CPEB2: variants seen among roughly 807,000 people sequenced by gnomAD.
CPEB2 encodes cytoplasmic polyadenylation element binding protein 2.
In CPEB2, 56 loss-of-function variants were observed where a neutral mutation model predicts 93.6. The ratio of observed to expected loss-of-function variants is 0.60; its 90% CI spans 0.48 to 0.75. The LOEUF (loss-of-function observed/expected upper bound fraction) is 0.75. CPEB2 is among the 30% of genes least tolerant of loss of function. The probability of loss-of-function intolerance (pLI) is 0.00; values close to 1 mark genes in which losing one functional copy is unlikely to be tolerated. For synonymous variants in CPEB2, 764 were observed against 586.3 expected (o/e 1.30, Z -4.38); for missense variants, 1,579 against 1,395.1 (o/e 1.13, Z -2.10).
Position 15,006,924 on chromosome 4 carries a change from C to T in CPEB2, c.1663-381C>T, listed in dbSNP as rs567537440. ...ACCATATTTTTAGTTGTGTGCCTAGCATAATTAATATGGTTGCTTTAAGAT... is the reference window on the plus strand; with the variant it reads ...ACCATATTTTTAGTTGTGTGCCTAGTATAATTAATATGGTTGCTTTAAGAT... On this transcript the variant is annotated intron_variant, in intron 1 of 11. Transcript: ENST00000538197. Among the ~76,000 whole-genome samples, 5 of 152,232 alleles carry T rather than the reference C, an allele frequency of 3.3e-5. No individual in the cohort carries two copies. In the East Asian group the frequency reaches 9.6e-4, roughly 29 times the overall value.
chr4:15,014,116 G>A (rs1723823576), intron 3 of CPEB2, among the ~76,000 whole-genome samples: 1 of 151,974 alleles, frequency 6.6e-6, no homozygotes. Context: ...CACACCTCTT[G>A]CAATGAAGGT....
intron 3 of CPEB2, among the ~76,000 whole-genome samples, chr4:15,010,732 TAAC>T (rs1228150997): frequency 6.6e-6 from 1 of 152,226 alleles, no homozygotes; most frequent in Non-Finnish European, 1.5e-5. Flanking sequence ...ATATTTTTGT[TAAC>T]AAGTACATTA....
At chr4:15,013,143 G>A (rs1723701852) in intron 3 of CPEB2, among the ~76,000 whole-genome samples, 1 of 143,670 alleles carries the variant, frequency 7.0e-6, no homozygotes, top group South Asian at 2.8e-4. Context: ...TGATACTCCT[G>A]TAAGTGTTTG....
At chr4:15,059,656 G>T (rs754311131) in intron 10 of CPEB2, among the ~76,000 whole-genome samples, 3 of 114,908 alleles carry the variant, frequency 2.6e-5, no homozygotes, top group Non-Finnish European at 5.9e-5. Context: ...ATCTGAAAAA[G>T]AAATATGGGA....
intron 4 of CPEB2, among the ~76,000 whole-genome samples, chr4:15,026,543 A>C (rs543862122): frequency 1.2e-4 from 18 of 152,164 alleles, no homozygotes; most frequent in African/African-American, 4.1e-4. Flanking sequence ...TTTAATATAT[A>C]TCTTTCACAT....
chr4:15,056,438 A>G (rs1293855040), intron 8 of CPEB2, among the ~76,000 whole-genome samples: 1 of 152,202 alleles, frequency 6.6e-6, no homozygotes, highest in Admixed American at 6.5e-5. Flanking sequence ...TTAATGAAAC[A>G]GAATAGTTGT....
intron 8 of CPEB2, among the ~76,000 whole-genome samples, 193 bp from the exon 9 acceptor site, chr4:15,058,228 T>C (rs1017022850): frequency 5.9e-5 from 9 of 152,332 alleles, no homozygotes; most frequent in East Asian, 1.9e-4. Context: ...AAGTAGCCAA[T>C]TGCTTTACTG....
chr4:15,040,918 A>T (rs1242626223), intron 6 of CPEB2, among the ~76,000 whole-genome samples: 1 of 152,190 alleles, frequency 6.6e-6, no homozygotes, highest in Non-Finnish European at 1.5e-5. Context: ...TGAAAATAAC[A>T]CACACCAAAT....
At position 15,068,058 on chromosome 4, in the gene CPEB2, A is replaced by C. The variant is rs898184087; in HGVS notation, c.*1678A>C. ...TATTTTAATGTAAGAGTTACTCTGC[A>C]ATCTAAGCAAAGCACCCAACAATGG... On this transcript the variant is annotated 3_prime_UTR_variant, in exon 12 of 12. Coordinates refer to ENST00000538197, the MANE Select transcript of CPEB2 (RefSeq NM_001177382.2). The C allele has an allele frequency of 2.6e-5, 4 of 152,362 alleles. No homozygotes were observed. Among genetic ancestry groups the C allele is most frequent in the African/African-American group, 9.7e-5 (4 of 41,436 alleles). The allele number at this position is 152,362 out of a possible 1,614,324, so 9.4% of individuals were successfully genotyped here.
chr4:15,004,266 G>C lies in CPEB2; in HGVS notation c.1593G>C (p.Gln531His), dbSNP rs1487841989. The C allele has an allele frequency of 7.4e-6, 11 of 1,494,858 alleles. No homozygotes were observed. The highest frequency in any genetic ancestry group is 3.7e-5 in the South Asian group (3 of 80,334). The allele number at this position is 1,494,858 out of a possible 1,614,324, so 92.6% of individuals were successfully genotyped here. ...GCCGGAGGTCGCCCGTCAGCCCGCA[G>C]CTCCAGCAGCAGCACCAGGCGGCGG... Reference protein sequence around the residue: ...PQSRRSPVSPQLQQQHQAAAA... With the variant: ...PQSRRSPVSPHLQQQHQAAAA... The change falls in exon 1 of 12, where the codon CAG (glutamine) becomes CAC (histidine). Residue 531 changes from glutamine to histidine, a missense_variant. Coordinates refer to ENST00000538197, the MANE Select transcript of CPEB2 (RefSeq NM_001177382.2).
chr4:15,061,672 T>G (rs1441307073), intron 10 of CPEB2, among the ~76,000 whole-genome samples: 1 of 150,506 alleles, frequency 6.6e-6, no homozygotes, highest in Non-Finnish European at 1.5e-5. Context: ...TGGGAATTTT[T>G]TTTAAGATAG....
At chr4:15,049,290 C>A (rs1728004914) in intron 6 of CPEB2, among the ~76,000 whole-genome samples, 1 of 151,490 alleles carries the variant, frequency 6.6e-6, no homozygotes, top group Non-Finnish European at 1.5e-5. Flanking sequence ...TATTTGTGAT[C>A]CATATTTTTT....
At chr4:15,018,711 A>T (rs1454143506) in intron 4 of CPEB2, among the ~76,000 whole-genome samples, 1 of 150,136 alleles carries the variant, frequency 6.7e-6, no homozygotes, top group African/African-American at 2.4e-5. Flanking sequence ...AGTCAAGATT[A>T]TTAACTGTTA....
In CPEB2 at chr4:15,070,017, T is replaced by C. The variant is rs1055056654; in HGVS notation, c.*3637T>C. On this transcript the variant is annotated 3_prime_UTR_variant, in exon 12 of 12. Transcript: ENST00000538197. ...ATTTTATTGTTATCTTCCAGGTGTC[T>C]AAATCTCCAGTCTGTCTGTTGTACT... 1.3e-5 allele frequency: 2 copies of C among 152,248 alleles called. No individual in the cohort carries two copies. The highest frequency in any genetic ancestry group is 1.9e-4 in the East Asian group (1 of 5,166). 9.4% of individuals were successfully genotyped at this position (152,248 alleles called of 1,614,324 possible).
rs1409587874 is a variant in CPEB2 at position 15,069,047 on chromosome 4, T to C, written c.*2667T>C. Reference sequence around the variant, plus strand: ...TAGAAAATTATTAATTTTGATTGTATTTTTGTATTTTAAAAGCTTCTTCAC... The same window carrying C: ...TAGAAAATTATTAATTTTGATTGTACTTTTGTATTTTAAAAGCTTCTTCAC... On this transcript the variant is annotated 3_prime_UTR_variant, in exon 12 of 12. Transcript: ENST00000538197. 2 of 152,232 alleles carry C rather than the reference T, an allele frequency of 1.3e-5. No individual in the cohort carries two copies. The highest frequency in any genetic ancestry group is 1.9e-4 in the East Asian group (1 of 5,172). The allele number at this position is 152,232 out of a possible 1,614,324, so 9.4% of individuals were successfully genotyped here.
chr4:15,007,333 A>G lies in CPEB2; in HGVS notation c.1691A>G (p.Asn564Ser). ...CTTCTGAAACAGTCTCCCTGGAGCA[A>G]CCATCAGAGCAGTGGCTGGGGCACT... Reference protein sequence around the residue: ...QPLLKQSPWSNHQSSGWGTGS... With the variant: ...QPLLKQSPWSSHQSSGWGTGS... Residue 564 changes from asparagine (N) to serine (S), a missense_variant, in exon 2 of 12, where the codon AAC (asparagine) becomes AGC (serine). Around this residue, in one of 2 missense-constraint regions of CPEB2, gnomAD observed 1,411 missense variants for 1,056.0 expected, o/e 1.34. Transcript: ENST00000538197. The G allele has an allele frequency of 6.4e-7, 1 of 1,557,908 alleles. No individual in the cohort carries two copies. Among genetic ancestry groups the G allele is most frequent in the Non-Finnish European group, 8.7e-7 (1 of 1,144,178 alleles).
chr4:15,054,227 G>T lies in CPEB2; in HGVS notation c.2461+10G>T, dbSNP rs779725200. On this transcript the variant is annotated intron_variant, in intron 8 of 11. Transcript: ENST00000538197. Reference sequence around the variant, plus strand: ...TATTTTCCACCAAAAGGTAAGGATTGTTATTGTTAATATTTGCTAGGAAAT... The same window carrying T: ...TATTTTCCACCAAAAGGTAAGGATTTTTATTGTTAATATTTGCTAGGAAAT... 6.3e-7 allele frequency: 1 copy of T among 1,587,414 alleles called. No individual in the cohort carries two copies. The highest frequency in any genetic ancestry group is 8.6e-7 in the Non-Finnish European group (1 of 1,160,934).
Position 15,067,728 on chromosome 4 carries a change from T to G in CPEB2, c.*1348T>G, listed in dbSNP as rs898110635. ...TGCATAAAATTAAATTTTACCTTTA[T>G]AAGACAATGGTGAAATCTGGCTTGA... On this transcript the variant is annotated 3_prime_UTR_variant, in exon 12 of 12. Transcript: ENST00000538197. The G allele has an allele frequency of 2.0e-5, 3 of 152,490 alleles. No individual in the cohort carries two copies. Among genetic ancestry groups the G allele is most frequent in the African/African-American group, 7.2e-5 (3 of 41,446 alleles). The allele number at this position is 152,490 out of a possible 1,614,324, so 9.4% of individuals were successfully genotyped here.
intron 4 of CPEB2, among the ~76,000 whole-genome samples, chr4:15,025,906 T>C (rs758333165): frequency 4.6e-5 from 7 of 152,150 alleles, no homozygotes; most frequent in Non-Finnish European, 7.4e-5. Flanking sequence ...GACTTAGTTG[T>C]TTTATGATCC....
Sources: allele counts gnomAD v4.1 joint callset (sites outside exome capture counted in the v4.1 genomes callset), GRCh38; gene constraint gnomAD v4.1.1; regional missense constraint gnomAD v4.1.1; transcripts MANE v1.5; gene names NCBI Gene and HGNC (gene_info 2026-07-23, HGNC 2026-07-21).